SLC26A3: variants seen among roughly 807,000 people sequenced by gnomAD.
The protein encoded by SLC26A3 is solute carrier family 26 member 3, also known as chloride anion exchanger.
A neutral mutation model predicts 85.6 loss-of-function variants in SLC26A3; 64 were observed. The ratio of observed to expected loss-of-function variants is 0.75; its 90% CI spans 0.61 to 0.92. The LOEUF is 0.92. SLC26A3 is among the 40% of genes least tolerant of loss of function. The probability of loss-of-function intolerance (pLI) is 0.00; values close to 1 mark genes in which losing one functional copy is unlikely to be tolerated. For synonymous variants in SLC26A3, 349 were observed against 336.0 expected (o/e 1.04, Z -0.42); for missense variants, 922 against 927.3 (o/e 0.99, Z 0.07).
At chr7:107,778,415 T>A in intron 12 of SLC26A3, 134 bp from the exon 13 acceptor site, 3 of 622,778 alleles carry the variant, frequency 4.8e-6, no homozygotes, top group Admixed American at 6.1e-5. Context: ...AAAAAAAATT[T>A]AAAAATTTGC....
intron 11 of SLC26A3, among the ~76,000 whole-genome samples, chr7:107,782,306 G>T (rs1794226149): frequency 6.6e-6 from 1 of 152,162 alleles, no homozygotes; most frequent in Non-Finnish European, 1.5e-5. Flanking sequence ...TGAGAGTAGG[G>T]CTGGGAGGTC....
At position 107,791,153 on chromosome 7, in the gene SLC26A3, A is replaced by G; in HGVS notation, c.465T>C (p.Thr155=). 6.2e-7 allele frequency: 1 copy of G among 1,614,176 alleles called. No homozygotes were observed. Residue 155 remains threonine (T), a synonymous_variant, in exon 5 of 21, where the codon ACT becomes ACC. Transcript: ENST00000340010. ...VSKAVPDRNA[T]TLGLPNNSNN... ...TCGAGTTGTTAGGCAATCCCAAAGT[A>G]GTTGCATTGCGATCTGGGACTGCTT...
intron 11 of SLC26A3, 23 bp from the exon 12 acceptor site, chr7:107,779,786 A>G: frequency 1.3e-6 from 2 of 1,584,624 alleles, no homozygotes; most frequent in Non-Finnish European, 1.7e-6. Flanking sequence ...CAAACATCAG[A>G]TGTACTTTAA....
At chr7:107,773,110 C>G (rs971575451) in intron 17 of SLC26A3, among the ~76,000 whole-genome samples, 1 of 152,210 alleles carries the variant, frequency 6.6e-6, no homozygotes, top group Non-Finnish European at 1.5e-5. Flanking sequence ...AGAAAACACA[C>G]TGCAATCTGA....
rs12536237 is a variant in SLC26A3 at position 107,782,463 on chromosome 7, C to G, written c.1311+334G>C. 1.6e-3 allele frequency among the ~76,000 whole-genome samples: 237 copies of G among 152,212 alleles called. 5 individuals carry two copies. The highest frequency in any genetic ancestry group is 0.014 in the Admixed American group (219 of 15,292). ...CTGAATTAGATAGAGGGCCTGATTA[C>G]CTTAACCTTTAAGAAAACCTCTACT... On this transcript the variant is annotated intron_variant, in intron 11 of 20. Coordinates refer to ENST00000340010, the MANE Select transcript of SLC26A3 (RefSeq NM_000111.3).
Position 107,787,337 on chromosome 7 carries a change from G to A in SLC26A3, c.888+20C>T. The A allele has an allele frequency of 6.2e-7, 1 of 1,613,124 alleles. No individual in the cohort carries two copies. Among genetic ancestry groups the A allele is most frequent in the South Asian group, 1.1e-5 (1 of 91,038 alleles). On this transcript the variant is annotated intron_variant, in intron 7 of 20. Transcript: ENST00000340010. ...TAAACAGTAGAGTAGCTATGACAGA[G>A]TCTGAAAATGATCAATTACCATAAT...
At chr7:107,775,639 G>A (rs1022049332) in intron 15 of SLC26A3, among the ~76,000 whole-genome samples, 20 of 151,772 alleles carry the variant, frequency 1.3e-4, no homozygotes, top group Non-Finnish European at 5.9e-5. Context: ...GGCTGAGGTA[G>A]GGGGATTGCT....
chr7:107,791,094 C>T lies in SLC26A3; in HGVS notation c.524G>A (p.Arg175Lys). 1 of 1,614,190 alleles carries T rather than the reference C, an allele frequency of 6.2e-7. No individual in the cohort carries two copies. Among genetic ancestry groups the T allele is most frequent in the Non-Finnish European group, 8.5e-7 (1 of 1,180,040 alleles). Residue 175 changes from arginine to lysine, a missense_variant, in exon 5 of 21, where the codon AGG becomes AAG. Physicochemically the swap from Arg to Lys is conservative, Grantham distance 26. Coordinates refer to ENST00000340010, the MANE Select transcript of SLC26A3 (RefSeq NM_000111.3). ...NSSLLDDERV[R>K]VAAAASVTVL... ...TGTGACTGATGCCGCCGCCGCCACC[C>T]TCACCCTCTCGTCATCCAGTAGTGA...
At chr7:107,783,469 AT>A in intron 8 of SLC26A3, 117 bp from the exon 9 acceptor site, 2 of 1,224,708 alleles carry the variant, frequency 1.6e-6, no homozygotes, top group Non-Finnish European at 2.4e-6. Flanking sequence ...ACTTTGGAGT[AT>A]GATTAACGAG....
chr7:107,790,554 G>A (rs1418985529), intron 5 of SLC26A3, among the ~76,000 whole-genome samples: 1 of 152,114 alleles, frequency 6.6e-6, no homozygotes, highest in Non-Finnish European at 1.5e-5. Context: ...CGGCTTGGAA[G>A]TGAGACTTTA....
intron 9 of SLC26A3, 34 bp downstream of exon 9, chr7:107,783,171 G>T (rs1489642845): frequency 6.2e-7 from 1 of 1,613,954 alleles, no homozygotes; most frequent in Non-Finnish European, 8.5e-7. Context: ...ATTTAAAGTT[G>T]CCCAGTGAGA....
In SLC26A3 at chr7:107,774,842, T is replaced by C. The variant is rs888441290; in HGVS notation, c.1708A>G (p.Lys570Glu). ...VGFSPLRILR[K>E]RNKALRKIRK... is the part of the protein sequence containing the mutation. ...ATTTTCCTCAAAGCTTTGTTGCGCT[T>C]GCGTAGAATTCGAAGTGGACTAAAG... The change falls in exon 16 of 21, where the codon AAG becomes GAG. Residue 570 changes from lysine to glutamate, a missense_variant. Transcript: ENST00000340010. 1.9e-6 allele frequency: 3 copies of C among 1,614,048 alleles called. No homozygotes were observed. Among genetic ancestry groups the C allele is most frequent in the Non-Finnish European group, 2.5e-6 (3 of 1,180,018 alleles).
intron 1 of SLC26A3, among the ~76,000 whole-genome samples, chr7:107,796,137 T>G (rs903767473): frequency 6.6e-6 from 1 of 151,872 alleles, no homozygotes; most frequent in African/African-American, 2.4e-5. Flanking sequence ...AGAGACAGGA[T>G]CTCACTGTCG....
In SLC26A3 at chr7:107,772,297, C is replaced by A. The variant is rs148142608; in HGVS notation, c.2008-189G>T. 4.7e-4 allele frequency among the ~76,000 whole-genome samples: 71 copies of A among 152,214 alleles called. 1 individual carries two copies. The South Asian group carries it at 7.5e-3, about 16-fold the overall frequency. On this transcript the variant is annotated intron_variant, in intron 17 of 20. Coordinates refer to ENST00000340010, the MANE Select transcript of SLC26A3 (RefSeq NM_000111.3). ...GCTCTGTGACAGAAATAAACCCAAA[C>A]AAAAGAACCCTTCTCCTCAGTAAGA...
chr7:107,801,643 T>C (rs1198436878), intron 1 of SLC26A3, among the ~76,000 whole-genome samples: 1 of 152,266 alleles, frequency 6.6e-6, no homozygotes, highest in Admixed American at 6.5e-5. Flanking sequence ...GAATATGAGC[T>C]GTTTAGGAGG....
intron 8 of SLC26A3, among the ~76,000 whole-genome samples, chr7:107,783,671 T>C (rs1159215734): frequency 6.6e-6 from 1 of 152,242 alleles, no homozygotes; most frequent in South Asian, 2.1e-4. Context: ...TCTATTCCAC[T>C]TGTATTGTTA....
intron 8 of SLC26A3, among the ~76,000 whole-genome samples, chr7:107,785,788 C>G (rs779471511): frequency 2.6e-5 from 4 of 151,860 alleles, no homozygotes; most frequent in Non-Finnish European, 4.4e-5. Flanking sequence ...ATATATTTGC[C>G]TTTAAAAGAA....
Position 107,783,010 on chromosome 7 carries a change from T to A in SLC26A3, c.1203A>T (p.Ala401=). 6.2e-7 allele frequency: 1 copy of A among 1,614,178 alleles called. No homozygotes were observed. The highest frequency in any genetic ancestry group is 8.5e-7 in the Non-Finnish European group (1 of 1,179,994). Residue 401 remains alanine, a synonymous_variant, in exon 10 of 21, where the codon GCA becomes GCT. Coordinates refer to ENST00000340010, the MANE Select transcript of SLC26A3 (RefSeq NM_000111.3). ...FAGSTALSRS[A]VQESTGGKTQ... is the part of the protein sequence containing the mutation. ...TTTTGCCTCCTGTGCTCTCCTGAAC[T>A]GCTGATCTGGAGAGGGCAGTACTCC...
At chr7:107,780,105 G>T (rs1289668241) in intron 11 of SLC26A3, among the ~76,000 whole-genome samples, 1 of 151,696 alleles carries the variant, frequency 6.6e-6, no homozygotes, top group East Asian at 1.9e-4. Context: ...TTCCTCCCAA[G>T]CAGAGACAGT....
Sources: gnomAD v4.1 joint callset for allele counts (sites outside exome capture counted in the v4.1 genomes callset) on GRCh38, gnomAD v4.1.1 for gene constraint, MANE v1.5 for transcripts, NCBI Gene and HGNC (gene_info 2026-07-23, HGNC 2026-07-21) for gene names.